The following KIAA1217 variants were observed in gnomAD, a reference collection of about 807,000 sequenced individuals.
KIAA1217 encodes sickle tail protein homolog.
Under a neutral mutation model 163.9 loss-of-function variants are expected in KIAA1217, and 88 were observed. The observed-to-expected ratio is 0.54, with a 90% confidence interval of 0.45 to 0.64. The LOEUF (loss-of-function observed/expected upper bound fraction) is 0.64. Ranked by LOEUF, KIAA1217 falls within the 30% of genes least tolerant of loss-of-function variation. The pLI is 0.00. For synonymous variants in KIAA1217, 903 were observed against 923.1 expected, an observed-to-expected ratio of 0.98 and a Z score of 0.39; for missense variants, 2,372 against 2,475.0, an observed-to-expected ratio of 0.96 and a Z score of 0.88.
chr10:24,236,368 A>G (rs2072265947), intron 2 of KIAA1217, among the ~76,000 whole-genome samples: 1 of 152,088 alleles, frequency 6.6e-6, no homozygotes, highest in Admixed American at 6.5e-5. Context: ...GTCCTGCCTC[A>G]GCCTCCCAAG....
chr10:24,057,501 T>A (rs1309710143), intron 2 of KIAA1217, among the ~76,000 whole-genome samples: 2 of 152,188 alleles, frequency 1.3e-5, no homozygotes, highest in East Asian at 3.9e-4. Flanking sequence ...TTTAGATATC[T>A]CATATAAGTG....
At position 23,957,009 on chromosome 10, in the gene KIAA1217, A is replaced by T. The variant is rs538581570; in HGVS notation, c.-320-50216A>T. Among the ~76,000 whole-genome samples the T allele has an allele frequency of 7.2e-5, 11 of 151,846 alleles. No homozygotes were observed. The South Asian group carries it at 1.7e-3, about 23-fold the overall frequency. ...CACTTTCTTCCAGTTGCCACCCATG[A>T]CTCGGGCCTGCACCACCCCACTGGC... On this transcript the variant is annotated intron_variant, in intron 1 of 18. Transcript: ENST00000376462.
chr10:24,350,585 C>T (rs1051238555), intron 2 of KIAA1217, among the ~76,000 whole-genome samples: 5 of 152,134 alleles, frequency 3.3e-5, no homozygotes, highest in African/African-American at 1.2e-4. Context: ...GAAAAACTCT[C>T]CCTGTGGAGA....
intron 2 of KIAA1217, among the ~76,000 whole-genome samples, chr10:24,134,516 G>A (rs1253765101): frequency 6.6e-6 from 1 of 152,148 alleles, no homozygotes; most frequent in East Asian, 1.9e-4. Flanking sequence ...GACCTTCACA[G>A]TAGGTAGTCA....
intron 2 of KIAA1217, among the ~76,000 whole-genome samples, chr10:24,339,398 A>G (rs182859632): frequency 1.3e-5 from 2 of 152,324 alleles, no homozygotes; most frequent in South Asian, 2.1e-4. Flanking sequence ...TATACTTCTG[A>G]GTGGAAGGAA....
intron 1 of KIAA1217, among the ~76,000 whole-genome samples, chr10:24,217,468 G>A (rs1662900062): frequency 1.3e-5 from 2 of 152,176 alleles, no homozygotes; most frequent in African/African-American, 4.8e-5. Context: ...GCAATGTAAT[G>A]AGAATTGAAG....
chr10:23,886,135 T>G (rs1841161879), intron 1 of KIAA1217, among the ~76,000 whole-genome samples: 1 of 151,896 alleles, frequency 6.6e-6, no homozygotes, highest in African/African-American at 2.4e-5. Context: ...GACGAATCAT[T>G]ATTCTGATGT....
chr10:24,131,271 C>T (rs926349007), intron 2 of KIAA1217, among the ~76,000 whole-genome samples: 7 of 152,148 alleles, frequency 4.6e-5, no homozygotes, highest in Non-Finnish European at 1.0e-4. Flanking sequence ...TATTTTTAAC[C>T]TGGGAACACT....
At chr10:23,942,014 A>T (rs1033909144) in intron 1 of KIAA1217, among the ~76,000 whole-genome samples, 5 of 152,212 alleles carry the variant, frequency 3.3e-5, no homozygotes, top group African/African-American at 1.2e-4. Context: ...GCACAGAGGA[A>T]GAAAAAAGAA....
intron 1 of KIAA1217, among the ~76,000 whole-genome samples, chr10:23,793,767 A>T (rs1285488645): frequency 6.6e-6 from 1 of 152,174 alleles, no homozygotes; most frequent in Admixed American, 6.5e-5. Flanking sequence ...CCTACCACAC[A>T]GGCCAGCCAC....
intron 1 of KIAA1217, among the ~76,000 whole-genome samples, chr10:23,792,488 TTTA>T (rs759981180): frequency 4.6e-5 from 7 of 151,570 alleles, no homozygotes; most frequent in Non-Finnish European, 8.8e-5. Flanking sequence ...TTTTTATTTA[TTTA>T]TTATTATTAT....
intron 2 of KIAA1217, among the ~76,000 whole-genome samples, chr10:24,185,758 G>A (rs1305014350): frequency 2.0e-5 from 3 of 151,806 alleles, no homozygotes; most frequent in East Asian, 3.9e-4. Context: ...TGGCGCCACT[G>A]CACTCTAGCC....
chr10:24,446,022 C>T (rs577067179), intron 5 of KIAA1217, among the ~76,000 whole-genome samples: 1 of 152,300 alleles, frequency 6.6e-6, no homozygotes, highest in African/African-American at 2.4e-5. Context: ...TCCTATTTCT[C>T]CACATCCTCT....
chr10:24,163,098 C>CT (rs779249870), intron 2 of KIAA1217, among the ~76,000 whole-genome samples: 6 of 152,240 alleles, frequency 3.9e-5, no homozygotes, highest in Non-Finnish European at 8.8e-5. Flanking sequence ...GCAGGCATCA[C>CT]TGGGGACCCT....
At chr10:23,774,632 A>C (rs764919630) in intron 1 of KIAA1217, among the ~76,000 whole-genome samples, 13 of 152,024 alleles carry the variant, frequency 8.6e-5, no homozygotes, top group Non-Finnish European at 1.5e-4. Context: ...GTTCACAGGG[A>C]GGTGCAGTTC....
rs192858312 is a variant in KIAA1217 at position 24,115,412 on chromosome 10, G to T, written c.-170-104214G>T. 1.4e-3 allele frequency among the ~76,000 whole-genome samples: 220 copies of T among 152,288 alleles called. 1 individual carries two copies. The highest frequency in any genetic ancestry group is 2.5e-3 in the Non-Finnish European group (171 of 68,024). On this transcript the variant is annotated intron_variant, in intron 2 of 18. Transcript: ENST00000376462. The stretch of plus-strand genomic sequence containing the variant: ...TAAAGCAGAGAGTTCAAGGCAACTG[G>T]CAGTCATCAAACCATACAGGTCAGC...
At chr10:23,754,839 CTT>C (rs36008020) in intron 1 of KIAA1217, among the ~76,000 whole-genome samples, 2 of 146,166 alleles carry the variant, frequency 1.4e-5, no homozygotes. Context: ...TTTCCTGCAA[CTT>C]TTTTTTTTTT....
chr10:23,749,861 T>C (rs1238800009), intron 1 of KIAA1217, among the ~76,000 whole-genome samples: 1 of 152,210 alleles, frequency 6.6e-6, no homozygotes, highest in Admixed American at 6.5e-5. Flanking sequence ...TATGTGCTGA[T>C]TGTACAAAAG....
rs71397948 is a variant in KIAA1217 at position 24,415,110 on chromosome 10, CTTTTTT to C, written c.554-17869_554-17864del. The stretch of plus-strand genomic sequence containing the variant: ...AGCAGCATGGTAGCCTGATCTCTCT[CTTTTTT>C]TTTTTTTTTTTTTTTGAGATAGAGT... On this transcript the variant is annotated intron_variant, in intron 3 of 20. Coordinates refer to ENST00000376454, the MANE Select transcript of KIAA1217 (RefSeq NM_019590.5). 5.0e-5 allele frequency among the ~76,000 whole-genome samples: 6 copies of C among 120,250 alleles called. No homozygotes were observed. In the East Asian group the frequency reaches 7.1e-4, roughly 14 times the overall value. 78.9% of individuals were successfully genotyped at this position (120,250 alleles called of 152,430 possible).
Sources: gnomAD v4.1 joint callset for allele counts (sites outside exome capture counted in the v4.1 genomes callset) on GRCh38, gnomAD v4.1.1 for gene constraint, MANE v1.5 for transcripts, NCBI Gene and HGNC (gene_info 2026-07-23, HGNC 2026-07-21) for gene names.